The following CHD5 variants were observed in gnomAD, a reference collection of about 807,000 sequenced individuals.
CHD5 encodes ATP-dependent chromatin remodeler CHD5.
A neutral mutation model predicts 230.3 loss-of-function variants in CHD5; 69 were observed. The observed-to-expected ratio is 0.30, with a 90% CI of 0.25 to 0.37. The LOEUF (loss-of-function observed/expected upper bound fraction) is 0.37. CHD5 is among the 10% of genes least tolerant of loss of function. The pLI is 1.00. For synonymous variants in CHD5, 1,064 were observed against 1,065.9 expected (o/e 1.00, Z 0.03); for missense variants, 1,827 against 2,622.8 (o/e 0.70, Z 6.63).
At chr1:6,136,023 AC>A (rs1256712676) in intron 17 of CHD5, among the ~76,000 whole-genome samples, 3 of 117,086 alleles carry the variant, frequency 2.6e-5, no homozygotes, top group African/African-American at 8.9e-5. Context: ...ATAAAAAAAA[AC>A]AACAAAAAAA....
In CHD5 at chr1:6,134,608, A is replaced by G; in HGVS notation, c.3012+110T>C. The G allele has an allele frequency of 5.0e-6, 6 of 1,203,278 alleles. No individual in the cohort carries two copies. Among genetic ancestry groups the G allele is most frequent in the Non-Finnish European group, 7.3e-6 (6 of 823,688 alleles). 74.5% of individuals were successfully genotyped at this position (1,203,278 alleles called of 1,614,324 possible). A position where few individuals can be genotyped will look rare whatever the true frequency, so the allele number is the denominator to read the frequency against. On this transcript the variant is annotated intron_variant, in intron 19 of 41. Transcript: ENST00000262450. The surrounding 1 kb of genome is among the most constrained non-coding windows in gnomAD (Gnocchi z 6.3). ...TACCATGACAGCCACAGAAATCGCCACAATGGCCAGGAGAACCTATCACAG... is the reference window on the plus strand; with the variant it reads ...TACCATGACAGCCACAGAAATCGCCGCAATGGCCAGGAGAACCTATCACAG...
chr1:6,110,638 A>T, intron 36 of CHD5, 112 bp from the exon 37 acceptor site: 6 of 1,150,130 alleles, frequency 5.2e-6, no homozygotes, highest in Non-Finnish European at 7.4e-6. Flanking sequence ...TTCTGGCTGT[A>T]CGCTCTCAGG....
Position 6,155,451 on chromosome 1 carries a change from C to T in CHD5, c.506+148G>A. 1 of 654,798 alleles carries T rather than the reference C, an allele frequency of 1.5e-6. No individual in the cohort carries two copies. 40.6% of individuals were successfully genotyped at this position (654,798 alleles called of 1,614,324 possible). A position where few individuals can be genotyped will look rare whatever the true frequency, so the allele number is the denominator to read the frequency against. ...TGTTAACATGAAGGGGTCCTGCCCC[C>T]TCCCTCCAGCTCCCCCAGGTTGCTC... On this transcript the variant is annotated intron_variant, in intron 4 of 41. Transcript: ENST00000262450. The surrounding 1 kb of genome is among the most constrained non-coding windows in gnomAD (Gnocchi z 4.0).
Position 6,155,959 on chromosome 1 carries a change from G to A in CHD5, c.388-242C>T, listed in dbSNP as rs533205647. On this transcript the variant is annotated intron_variant, in intron 3 of 41. Transcript: ENST00000262450. This position sits in a 1 kb window ranked among gnomAD's most constrained non-coding sequence, Gnocchi z 4.0. ...CCCACGAAGTGCAGGCCAAGTGTTC[G>A]ACGTCAGGGTTTGGGGAGAGGCCAT... is the stretch of plus-strand genomic sequence containing the variant. Among the ~76,000 whole-genome samples, 3 of 152,342 alleles carry A rather than the reference G, an allele frequency of 2.0e-5. No homozygotes were observed. The highest frequency in any genetic ancestry group is 4.8e-5 in the African/African-American group (2 of 41,568).
In CHD5 at chr1:6,111,850, G is replaced by C. The variant is rs1301069267; in HGVS notation, c.5174C>G (p.Ala1725Gly). 3.1e-6 allele frequency: 5 copies of C among 1,613,186 alleles called. No individual in the cohort carries two copies. Among genetic ancestry groups the C allele is most frequent in the Non-Finnish European group, 3.4e-6 (4 of 1,180,012 alleles). ...GTAGATTTTCCCAGAGGATACAGCA[G>C]CCCGCTCCTCGTTCTGCCACAGCGT... ...LHTLWQNEERAAVSSGKIYDI... is the reference protein window; with the variant it reads ...LHTLWQNEERGAVSSGKIYDI... Residue 1725 changes from alanine (A) to glycine (G), a missense_variant, in exon 36 of 42, where the codon GCT becomes GGT. Transcript: ENST00000262450.
At chr1:6,145,224 C>A (rs1239595024) in intron 11 of CHD5, among the ~76,000 whole-genome samples, 1 of 152,204 alleles carries the variant, frequency 6.6e-6, no homozygotes, top group African/African-American at 2.4e-5. Flanking sequence ...CGTGCAGCAG[C>A]CTGTTCCCTA....
At chr1:6,177,328 T>G (rs1480270357) in intron 1 of CHD5, among the ~76,000 whole-genome samples, 1 of 152,182 alleles carries the variant, frequency 6.6e-6, no homozygotes, top group African/African-American at 2.4e-5. Context: ...ACAGGAGGCC[T>G]GGCTAGGGCT....
chr1:6,127,985 G>C (rs1571147831), intron 25 of CHD5, 61 bp downstream of exon 25: 4 of 763,012 alleles, frequency 5.2e-6, no homozygotes, highest in African/African-American at 1.9e-5. Context: ...TGGACACAGT[G>C]GGGGGCGGGG....
At position 6,146,850 on chromosome 1, in the gene CHD5, C is replaced by T; in HGVS notation, c.1405G>A (p.Val469Ile). The T allele has an allele frequency of 6.6e-7, 1 of 1,525,968 alleles. No individual in the cohort carries two copies. Among genetic ancestry groups the T allele is most frequent in the Non-Finnish European group, 8.8e-7 (1 of 1,134,484 alleles). 94.5% of individuals were successfully genotyped at this position (1,525,968 alleles called of 1,614,324 possible). ...CACCTCCAGTGTAGAATCCGCTGGACTTTGCCCTTCAGTGGGGGGCACTGT... is the reference window on the plus strand; with the variant it reads ...CACCTCCAGTGTAGAATCCGCTGGATTTTGCCCTTCAGTGGGGGGCACTGT... ...RCTCPPLKGK[V>I]QRILHWRWTE... Residue 469 changes from valine to isoleucine, a missense_variant, in exon 10 of 42, where the codon GTC becomes ATC. Physicochemically the swap from Val to Ile is conservative, Grantham distance 29. Around this residue, in one of 14 missense-constraint regions of CHD5, gnomAD observed 657 missense variants for 816.4 expected, o/e 0.80. Coordinates refer to ENST00000262450, the MANE Select transcript of CHD5 (RefSeq NM_015557.3). This position sits in a 1 kb window ranked among gnomAD's most constrained non-coding sequence, Gnocchi z 5.1.
rs11587 is a variant in CHD5, at chr1:6,103,081, C to T, written c.*2393G>A. On this transcript the variant is annotated 3_prime_UTR_variant, in exon 42 of 42. Transcript: ENST00000262450. ...CCCAAAGACGCCAAACATACGGACA[C>T]CACCATCACCACTTTTGGCAGAGAT... is the stretch of plus-strand genomic sequence containing the variant. 54,242 of 152,174 alleles carry T rather than the reference C, an allele frequency of 0.36. 10,241 individuals carry two copies. Among genetic ancestry groups the T allele is most frequent in the Middle Eastern group, 0.46 (137 of 298 alleles). The allele number at this position is 152,174 out of a possible 1,614,324, so 9.4% of individuals were successfully genotyped here.
chr1:6,155,703 C>T lies in CHD5; in HGVS notation c.402G>A (p.Ser134=), dbSNP rs775725361. 32 of 1,613,854 alleles carry T rather than the reference C, an allele frequency of 2.0e-5. No homozygotes were observed. Among genetic ancestry groups the T allele is most frequent in the South Asian group, 1.5e-4 (14 of 91,062 alleles). ...GGCCCCACTCGGCCATGAGCTGCCC[C>T]GAGGACTTGGGCTCCTACAGAGACC... The part of the protein sequence containing the change: ...DDGCLKEPKS[S]GQLMAEWGLD... Residue 134 remains serine (S), a synonymous_variant, in exon 4 of 42, where the codon TCG becomes TCA. Transcript: ENST00000262450. This position sits in a 1 kb window ranked among gnomAD's most constrained non-coding sequence, Gnocchi z 4.0.
chr1:6,178,516 A>AT (rs916848959), intron 1 of CHD5, among the ~76,000 whole-genome samples: 60 of 151,468 alleles, frequency 4.0e-4, no homozygotes, highest in African/African-American at 1.1e-3. Flanking sequence ...ATGGCCACTG[A>AT]TTTTTTTTTG....
At chr1:6,175,126 A>G (rs1432092307) in intron 1 of CHD5, among the ~76,000 whole-genome samples, 10 of 104,442 alleles carry the variant, frequency 9.6e-5, no homozygotes, top group Non-Finnish European at 1.4e-4. Flanking sequence ...ATAGATGGAC[A>G]ATAGGTGGAT....
rs1165970916 is a variant in CHD5, at chr1:6,127,933, AG to A, written c.3903+112del. ...GCTGGAGGGCGGGGTCACAGCTTGGAGGGCTGGCTGCGGCGGGAGGGCGGGG... is the reference window on the plus strand; with the variant it reads ...GCTGGAGGGCGGGGTCACAGCTTGGAGGCTGGCTGCGGCGGGAGGGCGGGG... On this transcript the variant is annotated intron_variant, in intron 25 of 41. Transcript: ENST00000262450. The A allele has an allele frequency of 9.5e-6, 8 of 841,710 alleles. No individual in the cohort carries two copies. The African/African-American group carries it at 2.2e-4, about 23-fold the overall frequency. 52.1% of individuals were successfully genotyped at this position (841,710 alleles called of 1,614,324 possible). A position where few individuals can be genotyped will look rare whatever the true frequency, so the allele number is the denominator to read the frequency against.
chr1:6,149,075 C>G lies in CHD5; in HGVS notation c.1162G>C (p.Glu388Gln), dbSNP rs1232024535. 6.6e-7 allele frequency: 1 copy of G among 1,521,958 alleles called. No homozygotes were observed. Among genetic ancestry groups the G allele is most frequent in the Non-Finnish European group, 8.8e-7 (1 of 1,133,966 alleles). 94.3% of individuals were successfully genotyped at this position (1,521,958 alleles called of 1,614,324 possible). ...GGCTCCCACTGGATCCCCTCCTTCT[C>G]CTGGGGGAGGAGGCCAGGTGGAGGC... ...PEGKWSCPHC[E>Q]KEGIQWEPKD... The change falls in exon 9 of 42, where the codon GAG becomes CAG. Residue 388 changes from glutamate to glutamine, a missense_variant and splice_region_variant. Physicochemically the swap from Glu to Gln is conservative, Grantham distance 29. Around this residue, in one of 14 missense-constraint regions of CHD5, gnomAD observed 657 missense variants for 816.4 expected, o/e 0.80. Transcript: ENST00000262450.
Position 6,141,952 on chromosome 1 carries a change from G to A in CHD5, c.2436+176C>T, listed in dbSNP as rs141468061. ...ACTCCATTTGTGACACTTTGTTACA[G>A]GAGCCCCAGAAAACTGACATGGCTG... On this transcript the variant is annotated intron_variant, in intron 15 of 41. Transcript: ENST00000262450. 3.4e-3 allele frequency among the ~76,000 whole-genome samples: 520 copies of A among 152,306 alleles called. 5 individuals are homozygous for A. Among genetic ancestry groups the A allele is most frequent in the African/African-American group, 0.012 (490 of 41,554 alleles).
rs60893083 is a variant in CHD5 at position 6,126,884 on chromosome 1, C to T, written c.3904-138G>A. The T allele has an allele frequency of 2.2e-3, 1,627 of 725,216 alleles. 18 individuals carry two copies. The African/African-American group carries it at 0.025, about 11-fold the overall frequency. The allele number at this position is 725,216 out of a possible 1,614,324, so 44.9% of individuals were successfully genotyped here. ...GGGATGGCCTGCCTACTCCAGGAAG[C>T]CTTCTCTGATCACCCCGGCCCTAGC... On this transcript the variant is annotated intron_variant, in intron 25 of 41. Transcript: ENST00000262450. This position sits in a 1 kb window ranked among gnomAD's most constrained non-coding sequence, Gnocchi z 5.7.
intron 7 of CHD5, among the ~76,000 whole-genome samples, chr1:6,149,821 G>T (rs1666973023): frequency 6.6e-6 from 1 of 151,502 alleles, no homozygotes; most frequent in Non-Finnish European, 1.5e-5. Context: ...GTGGATGGAA[G>T]GATGGATGGA....
Position 6,154,545 on chromosome 1 carries a change from T to C in CHD5, c.745+115A>G, listed in dbSNP as rs1667051133. On this transcript the variant is annotated intron_variant, in intron 5 of 41. Coordinates refer to ENST00000262450, the MANE Select transcript of CHD5 (RefSeq NM_015557.3). The surrounding 1 kb of genome is among the most constrained non-coding windows in gnomAD (Gnocchi z 7.0). ...GGTCACACAGGCACAGAGCCCTCCATTAGGAGCACCCCAGCTGCCCCTCCC... is the reference window on the plus strand; with the variant it reads ...GGTCACACAGGCACAGAGCCCTCCACTAGGAGCACCCCAGCTGCCCCTCCC... 2 of 920,200 alleles carry C rather than the reference T, an allele frequency of 2.2e-6. No homozygotes were observed. Among genetic ancestry groups the C allele is most frequent in the East Asian group, 5.6e-5 (2 of 36,000 alleles). The allele number at this position is 920,200 out of a possible 1,614,324, so 57.0% of individuals were successfully genotyped here.
Sources: gnomAD v4.1 joint callset for allele counts (sites outside exome capture counted in the v4.1 genomes callset) on GRCh38, gnomAD v4.1.1 for gene constraint, gnomAD v4.1.1 regional missense constraint, Gnocchi (gnomAD v3.1) non-coding constraint, MANE v1.5 for transcripts, NCBI Gene and HGNC (gene_info 2026-07-23, HGNC 2026-07-21) for gene names.